ANKRD6: variants seen among roughly 807,000 people sequenced by gnomAD.
ANKRD6 encodes the protein ankyrin repeat domain-containing protein 6.
A neutral mutation model predicts 82.3 loss-of-function variants in ANKRD6; 56 were observed. That is an observed-to-expected ratio of 0.68 (90% CI 0.55 to 0.85). The LOEUF (loss-of-function observed/expected upper bound fraction) is 0.85, where lower values mean the gene tolerates loss of function less well. Ranked by LOEUF, ANKRD6 falls within the 40% of genes least tolerant of loss-of-function variation. The pLI is 0.00. For synonymous variants in ANKRD6, 347 were observed against 352.1 expected, an observed-to-expected ratio of 0.99 and a Z score of 0.16; for missense variants, 852 against 907.6, an observed-to-expected ratio of 0.94 and a Z score of 0.79.
intron 1 of ANKRD6, among the ~76,000 whole-genome samples, chr6:89,487,347 C>G (rs374993559): frequency 6.6e-6 from 1 of 152,168 alleles, no homozygotes; most frequent in East Asian, 1.9e-4. Flanking sequence ...TAGATTCTTG[C>G]AATTAAATTC....
intron 1 of ANKRD6, among the ~76,000 whole-genome samples, chr6:89,556,112 G>C (rs1786561840): frequency 6.6e-6 from 1 of 152,256 alleles, no homozygotes. Flanking sequence ...TCTGCCCCCT[G>C]GCAAGTGGGC....
At chr6:89,620,705 G>A (rs186218967) in intron 9 of ANKRD6, among the ~76,000 whole-genome samples, 20 of 152,278 alleles carry the variant, frequency 1.3e-4, no homozygotes, top group Non-Finnish European at 2.5e-4. Flanking sequence ...TCCACTGCAT[G>A]CCAGCCACCT....
At chr6:89,563,723 C>G (rs1180187599) in intron 1 of ANKRD6, among the ~76,000 whole-genome samples, 2 of 152,134 alleles carry the variant, frequency 1.3e-5, no homozygotes, top group African/African-American at 4.8e-5. Context: ...CTGCCCCCCA[C>G]CCCTGCAACA....
chr6:89,506,428 C>A (rs1311004905), intron 1 of ANKRD6, among the ~76,000 whole-genome samples: 1 of 152,190 alleles, frequency 6.6e-6, no homozygotes, highest in Non-Finnish European at 1.5e-5. Context: ...TATTCTTCTG[C>A]TTCAGCCTCT....
intron 1 of ANKRD6, among the ~76,000 whole-genome samples, chr6:89,560,633 G>A (rs1302464958): frequency 1.3e-5 from 2 of 152,254 alleles, no homozygotes; most frequent in East Asian, 3.9e-4. Flanking sequence ...AGACCAGCCT[G>A]GCCAACATGG....
chr6:89,538,971 G>A (rs928660564), intron 1 of ANKRD6, among the ~76,000 whole-genome samples: 5 of 151,964 alleles, frequency 3.3e-5, no homozygotes, highest in Admixed American at 6.6e-5. Flanking sequence ...GATAACTAGC[G>A]AACAATGTCT....
chr6:89,587,144 T>G (rs1793891574), intron 2 of ANKRD6, among the ~76,000 whole-genome samples: 1 of 144,950 alleles, frequency 6.9e-6, no homozygotes, highest in Non-Finnish European at 1.5e-5. Context: ...TGAGTTGAGA[T>G]CATGCCACTG....
At chr6:89,580,063 CA>C (rs1191755223) in intron 2 of ANKRD6, among the ~76,000 whole-genome samples, 5 of 152,086 alleles carry the variant, frequency 3.3e-5, no homozygotes, top group Non-Finnish European at 7.4e-5. Flanking sequence ...TGCAAAGGAG[CA>C]GGAGGGAATT....
At chr6:89,532,942 TG>T (rs1412637754) in intron 1 of ANKRD6, among the ~76,000 whole-genome samples, 1 of 151,946 alleles carries the variant, frequency 6.6e-6, no homozygotes, top group Non-Finnish European at 1.5e-5. Context: ...GGCGTGATCT[TG>T]GCTCACTGCA....
chr6:89,580,995 G>A lies in ANKRD6; in HGVS notation c.120+13899G>A, dbSNP rs572553541. The stretch of plus-strand genomic sequence containing the variant: ...GTAGGTAATGGTTCTACTACAGAAG[G>A]CACAAAGTTTGCCTAGTCCTCCTCC... On this transcript the variant is annotated intron_variant, in intron 2 of 15. Transcript: ENST00000339746. Among the ~76,000 whole-genome samples the A allele has an allele frequency of 2.0e-5, 3 of 152,220 alleles. No individual in the cohort carries two copies. In the South Asian group the frequency reaches 6.2e-4, roughly 32 times the overall value.
intron 1 of ANKRD6, among the ~76,000 whole-genome samples, chr6:89,495,839 C>G (rs1187635178): frequency 6.6e-6 from 1 of 152,046 alleles, no homozygotes; most frequent in Non-Finnish European, 1.5e-5. Context: ...TTCATTTTAC[C>G]TTTACAACCA....
intron 13 of ANKRD6, among the ~76,000 whole-genome samples, chr6:89,626,035 C>CT (rs1229593229): frequency 6.6e-6 from 1 of 151,902 alleles, no homozygotes; most frequent in African/African-American, 2.4e-5. Context: ...ATGCCCTGCC[C>CT]TTTTTTTAAA....
At position 89,542,617 on chromosome 6, in the gene ANKRD6, T is replaced by A. The variant is rs576568198; in HGVS notation, c.-143-24217T>A. Among the ~76,000 whole-genome samples the A allele has an allele frequency of 7.9e-5, 12 of 152,342 alleles. No individual in the cohort carries two copies. The South Asian group carries it at 2.5e-3, about 32-fold the overall frequency. ...ACTTTTCTAGAGGTCTCTTGTCATATAGAAACAGCTCTCACCAACTGGTTA... is the reference window on the plus strand; with the variant it reads ...ACTTTTCTAGAGGTCTCTTGTCATAAAGAAACAGCTCTCACCAACTGGTTA... On this transcript the variant is annotated intron_variant, in intron 1 of 15. Coordinates refer to ENST00000339746, the MANE Select transcript of ANKRD6 (RefSeq NM_001242809.2).
chr6:89,575,709 G>A (rs1344415615), intron 2 of ANKRD6, among the ~76,000 whole-genome samples: 3 of 152,172 alleles, frequency 2.0e-5, no homozygotes, highest in East Asian at 1.9e-4. Flanking sequence ...AGATATATAT[G>A]GTTTCCCTTG....
Position 89,588,331 on chromosome 6 carries a change from C to T in ANKRD6, c.121-7585C>T, listed in dbSNP as rs1794191661. Reference sequence around the variant, plus strand: ...CACTCTTATTTTAGTAATGTTACAACTTTCTTGCCTCCTACTACCTCTCTC... The same window carrying T: ...CACTCTTATTTTAGTAATGTTACAATTTTCTTGCCTCCTACTACCTCTCTC... On this transcript the variant is annotated intron_variant, in intron 2 of 15. Coordinates refer to ENST00000339746, the MANE Select transcript of ANKRD6 (RefSeq NM_001242809.2). Among the ~76,000 whole-genome samples, 5 of 152,320 alleles carry T rather than the reference C, an allele frequency of 3.3e-5. No homozygotes were observed. The South Asian group carries it at 1.0e-3, about 32-fold the overall frequency.
At chr6:89,523,599 A>C (rs1423428384) in intron 1 of ANKRD6, among the ~76,000 whole-genome samples, 1 of 152,090 alleles carries the variant, frequency 6.6e-6, no homozygotes, top group Admixed American at 6.5e-5. Flanking sequence ...TTCAGTTTTT[A>C]CCATAAGTCC....
chr6:89,434,406 T>C (rs1345209274), intron 1 of ANKRD6, among the ~76,000 whole-genome samples: 2 of 152,230 alleles, frequency 1.3e-5, no homozygotes, highest in East Asian at 1.9e-4. Flanking sequence ...CAAACACACC[T>C]GGGTCCAAGG....
chr6:89,620,972 G>A (rs1803041403), intron 9 of ANKRD6, among the ~76,000 whole-genome samples: 1 of 152,126 alleles, frequency 6.6e-6, no homozygotes, highest in African/African-American at 2.4e-5. Flanking sequence ...GGGAAGCTGA[G>A]GCAGGAGAAT....
chr6:89,591,348 C>T (rs1363154276), intron 2 of ANKRD6, among the ~76,000 whole-genome samples: 1 of 152,140 alleles, frequency 6.6e-6, no homozygotes, highest in Non-Finnish European at 1.5e-5. Flanking sequence ...GTGATCCACC[C>T]GCCTTGGCCT....
Sources: allele counts gnomAD v4.1 joint callset (sites outside exome capture counted in the v4.1 genomes callset), GRCh38; gene constraint gnomAD v4.1.1; transcripts MANE v1.5; gene names NCBI Gene and HGNC (gene_info 2026-07-23, HGNC 2026-07-21).